MAML3: variants seen among roughly 807,000 people sequenced by gnomAD.
The protein encoded by MAML3 is mastermind-like protein 3.
A neutral mutation model predicts 101.9 loss-of-function variants in MAML3; 27 were observed. That is an observed-to-expected ratio of 0.27 (90% CI 0.20 to 0.37). The LOEUF (loss-of-function observed/expected upper bound fraction) is 0.37. Ranked by LOEUF, MAML3 falls within the 10% of genes least tolerant of loss-of-function variation. The pLI is 1.00. For synonymous variants in MAML3, 501 were observed against 555.9 expected (o/e 0.90, Z 1.39); for missense variants, 1,316 against 1,444.9 (o/e 0.91, Z 1.45).
At chr4:139,913,431 G>A (rs1732968266) in intron 1 of MAML3, among the ~76,000 whole-genome samples, 1 of 151,790 alleles carries the variant, frequency 6.6e-6, no homozygotes, top group Non-Finnish European at 1.5e-5. Context: ...TCCTTTTTCT[G>A]ACTTTGGTCT....
intron 1 of MAML3, among the ~76,000 whole-genome samples, chr4:139,987,740 C>T (rs1485187561): frequency 6.6e-6 from 1 of 152,108 alleles, no homozygotes; most frequent in African/African-American, 2.4e-5. Context: ...TGGACTGTGG[C>T]TGGGCCCCGT....
chr4:140,062,340 G>A (rs1767328574), intron 1 of MAML3, among the ~76,000 whole-genome samples: 1 of 152,104 alleles, frequency 6.6e-6, no homozygotes, highest in Admixed American at 6.6e-5. Flanking sequence ...ATGGTTCCAG[G>A]ACCAGCAGCA....
At chr4:140,017,362 T>C (rs1726658794) in intron 1 of MAML3, among the ~76,000 whole-genome samples, 2 of 152,108 alleles carry the variant, frequency 1.3e-5, no homozygotes, top group Non-Finnish European at 2.9e-5. Context: ...ACAAGTAAAA[T>C]AATACAGCCC....
intron 1 of MAML3, among the ~76,000 whole-genome samples, chr4:139,934,846 CT>C (rs1733474529): frequency 6.6e-6 from 1 of 152,156 alleles, no homozygotes; most frequent in African/African-American, 2.4e-5. Flanking sequence ...GTGCAAGATT[CT>C]CTTTTTGCAG....
chr4:139,889,164 T>A, intron 2 of MAML3, 193 bp downstream of exon 2: 1 of 1,060,318 alleles, frequency 9.4e-7, no homozygotes, highest in Non-Finnish European at 1.5e-6. Context: ...AAGTTTATCA[T>A]GCCACCCTTT....
intron 2 of MAML3, among the ~76,000 whole-genome samples, chr4:139,816,354 G>A (rs1273034498): frequency 2.6e-5 from 4 of 152,224 alleles, no homozygotes; most frequent in Non-Finnish European, 4.4e-5. Flanking sequence ...TCGATGAGCA[G>A]CAGTGCGGCC....
chr4:139,882,323 T>G (rs1173081028), intron 2 of MAML3, among the ~76,000 whole-genome samples: 2 of 151,344 alleles, frequency 1.3e-5, no homozygotes, highest in Non-Finnish European at 3.0e-5. Flanking sequence ...AATTCCAGAT[T>G]TTTTTTTTAA....
At chr4:140,120,668 C>T (rs1233752260) in intron 1 of MAML3, among the ~76,000 whole-genome samples, 2 of 152,176 alleles carry the variant, frequency 1.3e-5, no homozygotes, top group Admixed American at 6.5e-5. Flanking sequence ...CAGCTAAGAT[C>T]GAATAGTTTC....
rs1403089295 is a variant in MAML3 at position 139,994,808 on chromosome 4, T to TGC, written c.469-103842_469-103841insGC. ...GGGGGTGTGTGTGTGTGTGTGTGTG[T>TGC]ATGTGTATTCCTTAAAATTTTATAC... On this transcript the variant is annotated intron_variant, in intron 1 of 4. Transcript: ENST00000509479. Among the ~76,000 whole-genome samples the TGC allele has an allele frequency of 3.7e-3, 560 of 151,966 alleles. 8 individuals carry two copies. Among genetic ancestry groups the TGC allele is most frequent in the African/African-American group, 0.012 (506 of 41,446 alleles).
Position 140,154,157 on chromosome 4 carries a change from T to A in MAML3, c.-830A>T, listed in dbSNP as rs1729227759. On this transcript the variant is annotated 5_prime_UTR_variant, in exon 1 of 5. Transcript: ENST00000509479. ...CTCCTCCTCCTCTCGCTCCTCCACC[T>A]CCTCCTCCTCCTCCATGCCAGCGGA... 8 of 162,378 alleles carry A rather than the reference T, an allele frequency of 4.9e-5. No individual in the cohort carries two copies. Among genetic ancestry groups the A allele is most frequent in the South Asian group, 2.9e-4 (2 of 6,968 alleles). The allele number at this position is 162,378 out of a possible 1,614,324, so 10.1% of individuals were successfully genotyped here.
intron 2 of MAML3, among the ~76,000 whole-genome samples, chr4:139,764,367 C>A (rs796526620): frequency 6.6e-6 from 1 of 152,348 alleles, no homozygotes; most frequent in African/African-American, 2.4e-5. Flanking sequence ...GGCAAGGCTG[C>A]TTGCTAAACA....
chr4:139,872,150 T>C (rs1189667569), intron 2 of MAML3, among the ~76,000 whole-genome samples: 4 of 152,214 alleles, frequency 2.6e-5, no homozygotes, highest in Non-Finnish European at 5.9e-5. Flanking sequence ...TTGATCATTG[T>C]AACTTGGACA....
At chr4:139,856,416 G>A (rs1472020198) in intron 2 of MAML3, among the ~76,000 whole-genome samples, 1 of 152,190 alleles carries the variant, frequency 6.6e-6, no homozygotes, top group Non-Finnish European at 1.5e-5. Flanking sequence ...GACCTGGACG[G>A]ACACAAGCAG....
intron 1 of MAML3, among the ~76,000 whole-genome samples, chr4:139,895,068 G>A (rs1450249050): frequency 1.3e-5 from 2 of 152,174 alleles, no homozygotes; most frequent in Admixed American, 1.3e-4. Flanking sequence ...TGGTCCATTT[G>A]TTTCTCTGTA....
chr4:140,031,202 CCAT>C (rs1726902176), intron 1 of MAML3, among the ~76,000 whole-genome samples: 1 of 152,098 alleles, frequency 6.6e-6, no homozygotes, highest in Non-Finnish European at 1.5e-5. Flanking sequence ...AAAGAAAACG[CCAT>C]CATTATTCTT....
At chr4:140,010,011 T>C (rs1357928060) in intron 1 of MAML3, among the ~76,000 whole-genome samples, 1 of 152,206 alleles carries the variant, frequency 6.6e-6, no homozygotes, top group Non-Finnish European at 1.5e-5. Flanking sequence ...TGTGTGGAAA[T>C]AGGCATTGCT....
At chr4:139,950,074 T>A (rs1028570050) in intron 1 of MAML3, among the ~76,000 whole-genome samples, 5 of 152,274 alleles carry the variant, frequency 3.3e-5, no homozygotes, top group African/African-American at 7.2e-5. Flanking sequence ...ACAGTCTTGA[T>A]CTGTTGCCCA....
intron 1 of MAML3, among the ~76,000 whole-genome samples, chr4:139,956,699 TC>T (rs1733923352): frequency 6.6e-6 from 1 of 151,892 alleles, no homozygotes; most frequent in Non-Finnish European, 1.5e-5. Context: ...TCAGGAGAGG[TC>T]GTACCAATCT....
intron 2 of MAML3, among the ~76,000 whole-genome samples, chr4:139,837,731 C>T (rs1731282110): frequency 6.6e-6 from 1 of 151,934 alleles, no homozygotes; most frequent in Non-Finnish European, 1.5e-5. Context: ...AGCAGACTGG[C>T]CAACATGGTG....
Sources: allele counts gnomAD v4.1 joint callset (sites outside exome capture counted in the v4.1 genomes callset), GRCh38; gene constraint gnomAD v4.1.1; transcripts MANE v1.5; gene names NCBI Gene and HGNC (gene_info 2026-07-23, HGNC 2026-07-21).